The following NFASC variants were observed in gnomAD, a reference collection of about 807,000 sequenced individuals.
NFASC encodes the protein neurofascin homolog.
NFASC carries 43 observed loss-of-function variants against 147.5 expected under a neutral mutation model. The ratio of observed to expected loss-of-function variants is 0.29; its 90% CI spans 0.23 to 0.38. The LOEUF is 0.38. Ranked by LOEUF, NFASC falls within the 10% of genes least tolerant of loss-of-function variation. NFASC has a pLI of 1.00. For missense variants in NFASC, 1,320 were observed against 1,689.0 expected, an observed-to-expected ratio of 0.78 and a Z score of 3.83; for synonymous variants, 622 against 665.5, an observed-to-expected ratio of 0.93 and a Z score of 1.01.
intron 27 of NFASC, among the ~76,000 whole-genome samples, chr1:205,006,174 A>G (rs918629494): frequency 3.3e-5 from 5 of 152,242 alleles, no homozygotes; most frequent in Non-Finnish European, 4.4e-5. Flanking sequence ...AGCTGATATC[A>G]GGGGAAAAAC....
rs2095470789 is a variant in NFASC at position 204,979,342 on chromosome 1, T to C, written c.1979-20T>C. 4.4e-6 allele frequency: 7 copies of C among 1,605,218 alleles called. No individual in the cohort carries two copies. Among genetic ancestry groups the C allele is most frequent in the Non-Finnish European group, 6.0e-6 (7 of 1,171,966 alleles). ...GCTAACTGAGCTCCCGAAACAGCTC[T>C]GTTTTCCTTGCCCACTCAGACTACG... On this transcript the variant is annotated intron_variant, in intron 18 of 29. Coordinates refer to ENST00000339876, the MANE Select transcript of NFASC (RefSeq NM_001005388.3). This position sits in a 1 kb window ranked among gnomAD's most constrained non-coding sequence, Gnocchi z 6.0.
chr1:204,997,751 T>C, intron 25 of NFASC: 1 of 417,028 alleles, frequency 2.4e-6, no homozygotes, highest in Non-Finnish European at 4.5e-6. Context: ...TCCAGCTACA[T>C]GTCAGGCAGT....
At chr1:204,905,053 G>A (rs1442936077) in intron 1 of NFASC, among the ~76,000 whole-genome samples, 2 of 152,034 alleles carry the variant, frequency 1.3e-5, no homozygotes, top group African/African-American at 4.8e-5. Context: ...TCCACTACCA[G>A]AAGCAATTGT....
At chr1:204,918,266 C>T (rs2089717071) in intron 1 of NFASC, among the ~76,000 whole-genome samples, 1 of 152,202 alleles carries the variant, frequency 6.6e-6, no homozygotes, top group Admixed American at 6.5e-5. Context: ...CTATCTAAGG[C>T]TAGCTTGTCC....
At chr1:204,971,918 G>C (rs928132441) in intron 11 of NFASC, among the ~76,000 whole-genome samples, 7 of 152,218 alleles carry the variant, frequency 4.6e-5, no homozygotes, top group African/African-American at 1.7e-4. Flanking sequence ...AAGCAGCTCA[G>C]GACTTGCAGC....
At chr1:204,944,764 A>G (rs564695919) in intron 3 of NFASC, 12 of 253,746 alleles carry the variant, frequency 4.7e-5, no homozygotes, top group South Asian at 3.4e-4. Context: ...CTTGCCCATG[A>G]AAGCAGTCCA....
intron 24 of NFASC, among the ~76,000 whole-genome samples, chr1:204,992,095 A>G (rs2095749810): frequency 6.6e-6 from 1 of 152,286 alleles, no homozygotes; most frequent in African/African-American, 2.4e-5. Context: ...GAGGGTCATC[A>G]AAGGGCTCTT....
chr1:204,863,138 A>G (rs2076807055), intron 1 of NFASC, among the ~76,000 whole-genome samples: 1 of 152,226 alleles, frequency 6.6e-6, no homozygotes, highest in African/African-American at 2.4e-5. Context: ...GACTGGTGAC[A>G]CTGTCCCTAT....
intron 1 of NFASC, among the ~76,000 whole-genome samples, chr1:204,867,450 C>T (rs1268378982): frequency 2.0e-5 from 3 of 148,124 alleles, no homozygotes; most frequent in South Asian, 2.1e-4. Context: ...CTACACAATC[C>T]GTAAACCCAA....
intron 21 of NFASC, among the ~76,000 whole-genome samples, chr1:204,984,733 G>C (rs2095580703): frequency 6.6e-6 from 1 of 152,008 alleles, no homozygotes; most frequent in Admixed American, 6.6e-5. Context: ...GGCTTCTCTT[G>C]GTCCTCCCTG....
intron 1 of NFASC, among the ~76,000 whole-genome samples, chr1:204,840,831 GA>G (rs1363637779): frequency 6.6e-6 from 1 of 152,212 alleles, no homozygotes; most frequent in Non-Finnish European, 1.5e-5. Flanking sequence ...GGCAGAGACT[GA>G]ATTAGGGATC....
At chr1:204,852,632 G>A (rs2075795361) in intron 1 of NFASC, among the ~76,000 whole-genome samples, 1 of 152,250 alleles carries the variant, frequency 6.6e-6, no homozygotes, top group Admixed American at 6.5e-5. Context: ...GGGCCTTCAT[G>A]GCTGGAGCCT....
At position 204,975,373 on chromosome 1, in the gene NFASC, C is replaced by T. The variant is rs373916599; in HGVS notation, c.1661C>T (p.Thr554Ile). 2 of 1,614,000 alleles carry T rather than the reference C, an allele frequency of 1.2e-6. No individual in the cohort carries two copies. The highest frequency in any genetic ancestry group is 1.7e-6 in the Non-Finnish European group (2 of 1,179,980). ...RVKHDPSLKLTVSWLKDDEPL... is the reference protein window; with the variant it reads ...RVKHDPSLKLIVSWLKDDEPL... ...AAGCACGACCCCTCCCTGAAACTCA[C>T]CGTCTCCTGGCTGAAGGATGACGAG... The change falls in exon 15 of 30, where the codon ACC becomes ATC. Residue 554 changes from threonine to isoleucine, a missense_variant. Physicochemically the swap from Thr to Ile is moderately conservative, Grantham distance 89. Coordinates refer to ENST00000339876, the MANE Select transcript of NFASC (RefSeq NM_001005388.3). This position sits in a 1 kb window ranked among gnomAD's most constrained non-coding sequence, Gnocchi z 4.0.
chr1:205,002,913 C>T (rs1158053882), intron 27 of NFASC, among the ~76,000 whole-genome samples, 165 bp downstream of exon 27: 1 of 152,154 alleles, frequency 6.6e-6, no homozygotes, highest in Non-Finnish European at 1.5e-5. Context: ...CTGAAGGCTC[C>T]CAGGAAGCCT....
chr1:204,966,299 C>T (rs554784582), intron 8 of NFASC, among the ~76,000 whole-genome samples: 27 of 152,158 alleles, frequency 1.8e-4, no homozygotes, highest in East Asian at 9.6e-4. Context: ...TGGTGTCGCG[C>T]GTTATGGTGT....
At chr1:204,896,484 C>T (rs1000002563) in intron 1 of NFASC, among the ~76,000 whole-genome samples, 1 of 152,120 alleles carries the variant, frequency 6.6e-6, no homozygotes, top group Non-Finnish European at 1.5e-5. Context: ...TTTCTACCCA[C>T]AAGTAGGAAT....
chr1:205,003,702 AAC>A (rs1351947319), intron 27 of NFASC, among the ~76,000 whole-genome samples: 1 of 152,300 alleles, frequency 6.6e-6, no homozygotes. Context: ...GAGGGGAAAA[AAC>A]ACACAGTGAT....
At chr1:204,834,941 G>T (rs1442380858) in intron 1 of NFASC, among the ~76,000 whole-genome samples, 2 of 152,048 alleles carry the variant, frequency 1.3e-5, no homozygotes, top group African/African-American at 2.4e-5. Context: ...CTGACTCTAG[G>T]TGGCAAATGA....
At chr1:204,879,719 T>C (rs2103283540) in intron 1 of NFASC, among the ~76,000 whole-genome samples, 1 of 152,330 alleles carries the variant, frequency 6.6e-6, no homozygotes, top group Middle Eastern at 3.4e-3. Context: ...AGACTGGAAC[T>C]TGAGAAAGTG....
Sources: gnomAD v4.1 joint callset for allele counts (sites outside exome capture counted in the v4.1 genomes callset) on GRCh38, gnomAD v4.1.1 for gene constraint, Gnocchi (gnomAD v3.1) non-coding constraint, MANE v1.5 for transcripts, NCBI Gene and HGNC (gene_info 2026-07-23, HGNC 2026-07-21) for gene names.